The following CENPP variants were observed in gnomAD, a reference collection of about 807,000 sequenced individuals.
CENPP encodes the protein centromere protein P.
Under a neutral mutation model 35.6 loss-of-function variants are expected in CENPP, and 24 were observed. The ratio of observed to expected loss-of-function variants is 0.67; its 90% CI spans 0.49 to 0.95. The LOEUF is 0.95. CENPP is among the 40% of genes least tolerant of loss of function. The pLI is 0.00. For synonymous variants in CENPP, 120 were observed against 125.5 expected, an observed-to-expected ratio of 0.96 and a Z score of 0.29; for missense variants, 332 against 345.3, an observed-to-expected ratio of 0.96 and a Z score of 0.31.
At chr9:92,560,212 C>A (rs576253919) in intron 5 of CENPP, among the ~76,000 whole-genome samples, 1 of 152,166 alleles carries the variant, frequency 6.6e-6, no homozygotes, top group African/African-American at 2.4e-5. Context: ...TTGGAAGAAA[C>A]AAAAAACAAA....
At chr9:92,457,554 C>T (rs570011459) in intron 5 of CENPP, 11 of 1,172,276 alleles carry the variant, frequency 9.4e-6, no homozygotes, top group South Asian at 6.7e-5. Context: ...ACTCTGTAGT[C>T]GCCATTTGTT....
chr9:92,383,904 G>T (rs551512810), intron 5 of CENPP: 3 of 152,130 alleles, frequency 2.0e-5, no homozygotes, highest in South Asian at 2.1e-4. Flanking sequence ...AAACTAGAAA[G>T]ATGACAGTCA....
At chr9:92,412,268 G>A (rs1843466344) in intron 5 of CENPP, among the ~76,000 whole-genome samples, 1 of 151,730 alleles carries the variant, frequency 6.6e-6, no homozygotes, top group Non-Finnish European at 1.5e-5. Flanking sequence ...TAATTTTTTT[G>A]TAGAGACAGG....
chr9:92,545,664 C>T (rs973363336), intron 5 of CENPP, among the ~76,000 whole-genome samples: 1 of 152,256 alleles, frequency 6.6e-6, no homozygotes, highest in Non-Finnish European at 1.5e-5. Flanking sequence ...CCAGCTCCAC[C>T]TGCAGCCTGG....
rs762092182 is a variant in CENPP at position 92,337,638 on chromosome 9, A to G, written c.378+9A>G. On this transcript the variant is annotated intron_variant, in intron 3 of 7. Transcript: ENST00000375587. ...AGATTCTGGAAATTCAGGTAAATTA[A>G]GAAGCATGTTGTGATAACAGAGATA... The G allele has an allele frequency of 4.0e-6, 6 of 1,516,478 alleles. No individual in the cohort carries two copies. In the African/African-American group the frequency reaches 5.5e-5, roughly 14 times the overall value. 93.9% of individuals were successfully genotyped at this position (1,516,478 alleles called of 1,614,324 possible).
In CENPP at chr9:92,431,934, A is replaced by G. The variant is rs183960767; in HGVS notation, c.564+52075A>G. ...GATTTTTACAAGTTCATTATATCTC[A>G]TAGATACTAACCTCTTGCTAGTTAT... is the stretch of plus-strand genomic sequence containing the variant. On this transcript the variant is annotated intron_variant, in intron 5 of 7. Coordinates refer to ENST00000375587, the MANE Select transcript of CENPP (RefSeq NM_001012267.3). Among the ~76,000 whole-genome samples the G allele has an allele frequency of 2.7e-3, 409 of 152,262 alleles. 2 individuals carry two copies. The highest frequency in any genetic ancestry group is 9.2e-3 in the African/African-American group (381 of 41,554).
At position 92,619,411 on chromosome 9, in the gene CENPP, T is replaced by C. The variant is rs922926235; in HGVS notation, c.*6262T>C. On this transcript the variant is annotated 3_prime_UTR_variant, in exon 8 of 8. Coordinates refer to ENST00000375587, the MANE Select transcript of CENPP (RefSeq NM_001012267.3). ...TCTCTAAATATGGGGAAACCAACTATCCTATTAACAATTCACCAACTGTCC... is the reference window on the plus strand; with the variant it reads ...TCTCTAAATATGGGGAAACCAACTACCCTATTAACAATTCACCAACTGTCC... 13 of 1,201,234 alleles carry C rather than the reference T, an allele frequency of 1.1e-5. No individual in the cohort carries two copies. The East Asian group carries it at 2.6e-4, about 24-fold the overall frequency. The allele number at this position is 1,201,234 out of a possible 1,614,324, so 74.4% of individuals were successfully genotyped here.
intron 5 of CENPP, among the ~76,000 whole-genome samples, chr9:92,583,803 T>G (rs904257779): frequency 1.3e-5 from 2 of 152,228 alleles, no homozygotes; most frequent in Non-Finnish European, 2.9e-5. Flanking sequence ...TGTGCCATCA[T>G]CTGTTTATGG....
chr9:92,466,532 G>A (rs1398111361), intron 5 of CENPP: 3 of 1,613,958 alleles, frequency 1.9e-6, no homozygotes, highest in Admixed American at 3.3e-5. Flanking sequence ...AAGGCTTTTG[G>A]GTGAATCTTC....
At chr9:92,536,311 C>T (rs1323840540) in intron 5 of CENPP, among the ~76,000 whole-genome samples, 1 of 152,040 alleles carries the variant, frequency 6.6e-6, no homozygotes, top group African/African-American at 2.4e-5. Flanking sequence ...AGACTATTCG[C>T]ATTAAAAATG....
chr9:92,410,530 C>G (rs1843417786), intron 5 of CENPP, among the ~76,000 whole-genome samples: 1 of 152,106 alleles, frequency 6.6e-6, no homozygotes. Flanking sequence ...CCAGATGGTG[C>G]TTTGAAAAGC....
intron 5 of CENPP, among the ~76,000 whole-genome samples, chr9:92,492,167 G>A (rs917637856): frequency 6.6e-6 from 1 of 152,252 alleles, no homozygotes. Context: ...TTTGCCTGAA[G>A]CACTATGCCT....
intron 5 of CENPP, among the ~76,000 whole-genome samples, chr9:92,591,750 A>G (rs1850668517): frequency 2.6e-5 from 4 of 152,172 alleles, no homozygotes; most frequent in Admixed American, 2.6e-4. Context: ...AGTCACCAAG[A>G]TGGCTACAGA....
chr9:92,612,722 T>C, intron 7 of CENPP, 108 bp downstream of exon 7: 1 of 813,110 alleles, frequency 1.2e-6, no homozygotes, highest in Non-Finnish European at 2.1e-6. Context: ...ATTGGAAATC[T>C]CATTAATGTA....
At chr9:92,515,389 A>G (rs1370451515) in intron 5 of CENPP, among the ~76,000 whole-genome samples, 2 of 152,186 alleles carry the variant, frequency 1.3e-5, no homozygotes, top group Non-Finnish European at 2.9e-5. Context: ...CTATTTTGTA[A>G]TATCTGTTAC....
At chr9:92,460,931 G>A (rs577826216) in intron 5 of CENPP, among the ~76,000 whole-genome samples, 57 of 152,096 alleles carry the variant, frequency 3.7e-4, no homozygotes, top group African/African-American at 1.2e-3. Flanking sequence ...CACCCCCCTC[G>A]GCCTCCTAAA....
chr9:92,382,952 G>A (rs1396429311), intron 5 of CENPP, among the ~76,000 whole-genome samples: 3 of 133,866 alleles, frequency 2.2e-5, no homozygotes, highest in African/African-American at 8.4e-5. Context: ...AGGCTAGAGT[G>A]CAGTGATGCG....
intron 5 of CENPP, among the ~76,000 whole-genome samples, chr9:92,454,597 T>A (rs934542164): frequency 3.9e-5 from 6 of 152,216 alleles, no homozygotes; most frequent in Admixed American, 6.5e-5. Flanking sequence ...GAGTGATTAT[T>A]ATAGTATTGT....
chr9:92,615,018 G>C lies in CENPP; in HGVS notation c.*1869G>C, dbSNP rs1382091139. On this transcript the variant is annotated 3_prime_UTR_variant, in exon 8 of 8. Coordinates refer to ENST00000375587, the MANE Select transcript of CENPP (RefSeq NM_001012267.3). ...CACTGGAGTGTCAGGAAAGCACTGA[G>C]CTGTTGGGGCACACTGCCCAGCCCG... 6.6e-6 allele frequency: 1 copy of C among 152,260 alleles called. No individual in the cohort carries two copies. Among genetic ancestry groups the C allele is most frequent in the Non-Finnish European group, 1.5e-5 (1 of 68,060 alleles). 9.4% of individuals were successfully genotyped at this position (152,260 alleles called of 1,614,324 possible). A position where few individuals can be genotyped will look rare whatever the true frequency, so the allele number is the denominator to read the frequency against.
Sources: gnomAD v4.1 joint callset for allele counts (sites outside exome capture counted in the v4.1 genomes callset) on GRCh38, gnomAD v4.1.1 for gene constraint, MANE v1.5 for transcripts, NCBI Gene and HGNC (gene_info 2026-07-23, HGNC 2026-07-21) for gene names.